PLCG2: variants seen among roughly 807,000 people sequenced by gnomAD.
PLCG2 encodes the protein 1-phosphatidylinositol 4,5-bisphosphate phosphodiesterase gamma-2.
Under a neutral mutation model 175.6 loss-of-function variants are expected in PLCG2, and 69 were observed. The ratio of observed to expected loss-of-function variants is 0.39; its 90% CI spans 0.32 to 0.48. PLCG2 has a LOEUF of 0.48. Among genes scored for constraint, PLCG2 ranks in the 20% least tolerant of loss-of-function variants. PLCG2 has a pLI of 0.91. For synonymous variants in PLCG2, 827 were observed against 624.0 expected (o/e 1.33, Z -4.85); for missense variants, 1,798 against 1,650.9 (o/e 1.09, Z -1.54).
chr16:81,746,842 A>G (rs1450613969), intron 1 of PLCG2, among the ~76,000 whole-genome samples: 1 of 152,146 alleles, frequency 6.6e-6, no homozygotes, highest in African/African-American at 2.4e-5. Flanking sequence ...CTACAAAGCA[A>G]ACAGATGTGC....
intron 2 of PLCG2, among the ~76,000 whole-genome samples, chr16:81,848,784 A>T (rs559760160): frequency 6.6e-6 from 1 of 152,300 alleles, no homozygotes; most frequent in South Asian, 2.1e-4. Context: ...CCCTGCGTGT[A>T]TGGAGCTTAC....
At position 81,829,805 on chromosome 16, in the gene PLCG2, C is replaced by G. The variant is rs192751009; in HGVS notation, c.194-24639C>G. Among the ~76,000 whole-genome samples the G allele has an allele frequency of 7.1e-4, 108 of 152,286 alleles. 1 individual carries two copies. The highest frequency in any genetic ancestry group is 1.9e-3 in the Admixed American group (29 of 15,292). ...CTGGGCATTTGTGCTGAGTCCCTTT[C>G]TCCTTTGAAATTGCAGAGGGTGCTG... On this transcript the variant is annotated intron_variant, in intron 2 of 32. Transcript: ENST00000564138.
intron 9 of PLCG2, among the ~76,000 whole-genome samples, chr16:81,886,912 C>T (rs1386293013): frequency 6.6e-6 from 1 of 152,102 alleles, no homozygotes; most frequent in Admixed American, 6.5e-5. Context: ...TAGTGCAATA[C>T]CCTACACCAA....
At chr16:81,911,994 T>C (rs1016762671) in intron 18 of PLCG2, among the ~76,000 whole-genome samples, 2 of 152,086 alleles carry the variant, frequency 1.3e-5, no homozygotes, top group Non-Finnish European at 2.9e-5. Flanking sequence ...AGACAGGGTT[T>C]CACCGTGTTA....
At chr16:81,742,395 C>A (rs1338712547) in intron 1 of PLCG2, among the ~76,000 whole-genome samples, 1 of 152,106 alleles carries the variant, frequency 6.6e-6, no homozygotes, top group Non-Finnish European at 1.5e-5. Context: ...AGGTGATGAC[C>A]CTGCCTGTGT....
At chr16:81,930,593 C>T (rs1393462991) in intron 24 of PLCG2, among the ~76,000 whole-genome samples, 1 of 151,818 alleles carries the variant, frequency 6.6e-6, no homozygotes, top group Non-Finnish European at 1.5e-5. Flanking sequence ...ACAAAAAATA[C>T]AAAAATTAGC....
chr16:81,928,490 T>C, intron 23 of PLCG2, 68 bp from the exon 24 acceptor site: 1 of 1,005,558 alleles, frequency 9.9e-7, no homozygotes. Flanking sequence ...ACGGTGTGCT[T>C]TGGAAACGGG....
At chr16:81,923,384 C>T (rs755795158) in intron 21 of PLCG2, 101 bp from the exon 22 acceptor site, 48 of 681,588 alleles carry the variant, frequency 7.0e-5, no homozygotes, top group Non-Finnish European at 1.1e-4. Context: ...CTGAAGCCTC[C>T]TGCTCCCCAA....
intron 9 of PLCG2, among the ~76,000 whole-genome samples, chr16:81,888,613 C>CT (rs548600455): frequency 3.9e-5 from 6 of 152,152 alleles, no homozygotes; most frequent in Non-Finnish European, 7.3e-5. Flanking sequence ...GTGGTAGATA[C>CT]TCTTATTCCC....
chr16:81,928,731 A>G, intron 24 of PLCG2, 107 bp downstream of exon 24: 1 of 745,952 alleles, frequency 1.3e-6, no homozygotes, highest in East Asian at 2.5e-5. Context: ...CCTGTCTTGA[A>G]TGCCAGCTCC....
chr16:81,929,594 C>A (rs113528092), intron 24 of PLCG2, among the ~76,000 whole-genome samples: 1 of 152,130 alleles, frequency 6.6e-6, no homozygotes, highest in African/African-American at 2.4e-5. Context: ...TAGGGTTTCG[C>A]CATGTGGGCC....
chr16:81,773,863 C>G (rs920325900), intron 2 of PLCG2, among the ~76,000 whole-genome samples: 16 of 152,246 alleles, frequency 1.1e-4, no homozygotes, highest in Admixed American at 8.5e-4. Flanking sequence ...CTGTCTCACT[C>G]CAAAGCCCCC....
chr16:81,865,848 G>A (rs113713074), intron 5 of PLCG2, among the ~76,000 whole-genome samples: 14 of 138,088 alleles, frequency 1.0e-4, no homozygotes, highest in African/African-American at 1.4e-4. Context: ...TGCTCCCAGG[G>A]TGAGCTCCAA....
At position 81,745,871 on chromosome 16, in the gene PLCG2, C is replaced by T. The variant is rs113855717; in HGVS notation, c.-145+6486C>T. 4.0e-3 allele frequency among the ~76,000 whole-genome samples: 602 copies of T among 152,322 alleles called. 4 individuals carry two copies. The highest frequency in any genetic ancestry group is 0.014 in the African/African-American group (574 of 41,554). ...CAGCTATCCATTCAGAGGCCGAGTTCAGCGGCCAGACGTTATTCCTGAGCC... is the reference window on the plus strand; with the variant it reads ...CAGCTATCCATTCAGAGGCCGAGTTTAGCGGCCAGACGTTATTCCTGAGCC... On this transcript the variant is annotated intron_variant, in intron 1 of 5. Coordinates refer to the PLCG2 transcript ENST00000565054.
At chr16:81,877,702 G>A (rs1907868790) in intron 7 of PLCG2, among the ~76,000 whole-genome samples, 1 of 152,154 alleles carries the variant, frequency 6.6e-6, no homozygotes, top group African/African-American at 2.4e-5. Flanking sequence ...AGATGGCATT[G>A]CTCTTTGGTG....
rs1298053136 is a variant in PLCG2, at chr16:81,779,469, C to T, written c.-48+45C>T. 7 of 151,706 alleles carry T rather than the reference C, an allele frequency of 4.6e-5. No individual in the cohort carries two copies. The East Asian group carries it at 1.4e-3, about 30-fold the overall frequency. 9.4% of individuals were successfully genotyped at this position (151,706 alleles called of 1,614,324 possible). A position where few individuals can be genotyped will look rare whatever the true frequency, so the allele number is the denominator to read the frequency against. ...GCGAGGCAGGCAGGGCGCCCAGGGA[C>T]CTGCGCCCCGCGGGGACCGGCTCCC... On this transcript the variant is annotated intron_variant, in intron 1 of 32. Coordinates refer to ENST00000564138, the MANE Select transcript of PLCG2 (RefSeq NM_002661.5).
At chr16:81,879,232 A>C (rs1391089434) in intron 7 of PLCG2, among the ~76,000 whole-genome samples, 1 of 152,170 alleles carries the variant, frequency 6.6e-6, no homozygotes, top group Non-Finnish European at 1.5e-5. Context: ...TGGGCTTGGA[A>C]GTGTTCTAGC....
chr16:81,758,028 C>T (rs977032324), intron 2 of PLCG2, among the ~76,000 whole-genome samples: 7 of 152,140 alleles, frequency 4.6e-5, no homozygotes, highest in Non-Finnish European at 5.9e-5. Context: ...CAGGCTGGAG[C>T]GCAGTGGTGT....
chr16:81,895,559 T>TTA lies in PLCG2; in HGVS notation c.1073-248_1073-247insTA. The TTA allele has an allele frequency of 1.4e-5, 5 of 359,550 alleles. No individual in the cohort carries two copies. The South Asian group carries it at 1.5e-4, about 11-fold the overall frequency. The allele number at this position is 359,550 out of a possible 1,614,324, so 22.3% of individuals were successfully genotyped here. ...TGGGCAACAGAGCGAGACTCTGTCTTAAAAAAAAAAAAAATGAAAAAAAAA... is the reference window on the plus strand; with the variant it reads ...TGGGCAACAGAGCGAGACTCTGTCTTTAAAAAAAAAAAAAAATGAAAAAAAAA... On this transcript the variant is annotated intron_variant, in intron 12 of 32. Transcript: ENST00000564138.
Sources: gnomAD v4.1 joint callset for allele counts (sites outside exome capture counted in the v4.1 genomes callset) on GRCh38, gnomAD v4.1.1 for gene constraint, MANE v1.5 for transcripts, NCBI Gene and HGNC (gene_info 2026-07-23, HGNC 2026-07-21) for gene names.